Variants in LRBA observed in about 807,000 individuals in gnomAD.
LRBA encodes the protein lipopolysaccharide-responsive and beige-like anchor protein.
A neutral mutation model predicts 330.0 loss-of-function variants in LRBA; 176 were observed. That is an observed-to-expected ratio of 0.53 (90% CI 0.47 to 0.60). LRBA has a LOEUF of 0.60. LRBA is among the 20% of genes least tolerant of loss of function. LRBA has a pLI of 0.00. For synonymous variants in LRBA, 1,230 were observed against 1,193.0 expected (o/e 1.03, Z -0.64); for missense variants, 3,259 against 3,444.8 (o/e 0.95, Z 1.35).
At chr4:150,918,329 G>A (rs1732873642) in intron 5 of LRBA, among the ~76,000 whole-genome samples, 1 of 152,038 alleles carries the variant, frequency 6.6e-6, no homozygotes, top group South Asian at 2.1e-4. Flanking sequence ...CTCCAAAGAA[G>A]ATATACAAAT....
chr4:150,436,839 C>G lies in LRBA; in HGVS notation c.6806G>C (p.Arg2269Thr). The G allele has an allele frequency of 6.2e-7, 1 of 1,613,714 alleles. No homozygotes were observed. The highest frequency in any genetic ancestry group is 1.1e-5 in the South Asian group (1 of 91,030). The part of the protein sequence containing the change: ...SKPIGALNPK[R>T]AAFFAERYES... ...ATAACGCTCAGCGAAGAATGCTGCTCTTTTTGGGTTCAGAGCTCCTATTGG... is the reference window on the plus strand; with the variant it reads ...ATAACGCTCAGCGAAGAATGCTGCTGTTTTTGGGTTCAGAGCTCCTATTGG... Residue 2269 changes from arginine to threonine, a missense_variant, in exon 45 of 57, where the codon AGA (arginine) becomes ACA (threonine). Arg to Thr is a moderately conservative substitution (Grantham distance 71, BLOSUM62 -1). Transcript: ENST00000651943.
intron 28 of LRBA, among the ~76,000 whole-genome samples, chr4:150,838,877 T>C (rs1345568613): frequency 1.3e-5 from 2 of 151,996 alleles, no homozygotes; most frequent in Non-Finnish European, 2.9e-5. Flanking sequence ...CTCTGATTTT[T>C]TGAATTTTCA....
chr4:150,994,532 G>A (rs1742435917), intron 2 of LRBA, among the ~76,000 whole-genome samples: 2 of 152,194 alleles, frequency 1.3e-5, no homozygotes, highest in South Asian at 4.1e-4. Flanking sequence ...CTTTTATGGA[G>A]TGTGTATTCT....
intron 4 of LRBA, among the ~76,000 whole-genome samples, chr4:150,926,869 G>A (rs530287788): frequency 1.3e-5 from 2 of 151,978 alleles, no homozygotes; most frequent in South Asian, 4.2e-4. Context: ...TCAGGAGTTC[G>A]AGACCATCCT....
intron 2 of LRBA, among the ~76,000 whole-genome samples, chr4:150,984,896 C>A (rs1289822404): frequency 6.6e-6 from 1 of 152,184 alleles, no homozygotes; most frequent in Non-Finnish European, 1.5e-5. Flanking sequence ...TTCTTCCTAG[C>A]AGCAATTCTC....
intron 2 of LRBA, among the ~76,000 whole-genome samples, chr4:150,984,873 T>C (rs907806214): frequency 6.6e-6 from 1 of 152,202 alleles, no homozygotes; most frequent in Non-Finnish European, 1.5e-5. Context: ...AAAACATACA[T>C]ATCACAAAAC....
intron 17 of LRBA, among the ~76,000 whole-genome samples, chr4:150,882,182 G>A (rs1728472479): frequency 6.6e-6 from 1 of 151,796 alleles, no homozygotes; most frequent in Non-Finnish European, 1.5e-5. Context: ...AATAACACAA[G>A]AAGATCAAAA....
intron 17 of LRBA, among the ~76,000 whole-genome samples, chr4:150,883,011 C>G (rs1418867898): frequency 1.3e-5 from 2 of 152,176 alleles, no homozygotes; most frequent in African/African-American, 2.4e-5. Flanking sequence ...ATGACTATGA[C>G]ACAGTTTGGC....
intron 44 of LRBA, among the ~76,000 whole-genome samples, chr4:150,466,173 C>T (rs1294002613): frequency 6.6e-6 from 1 of 152,072 alleles, no homozygotes; most frequent in African/African-American, 2.4e-5. Flanking sequence ...TGTTAACCTT[C>T]GTTTTGACAT....
At chr4:150,656,814 T>A (rs955110292) in intron 37 of LRBA, among the ~76,000 whole-genome samples, 3 of 152,204 alleles carry the variant, frequency 2.0e-5, no homozygotes, top group Non-Finnish European at 4.4e-5. Flanking sequence ...TGAAACTCAA[T>A]ACCTATTACA....
intron 53 of LRBA, among the ~76,000 whole-genome samples, chr4:150,298,387 A>T (rs1281224103): frequency 6.6e-6 from 1 of 152,142 alleles, no homozygotes; most frequent in South Asian, 2.1e-4. Context: ...AAAATTTAGA[A>T]TGCCTTAAAG....
At chr4:150,425,555 G>A (rs1205258968) in intron 46 of LRBA, among the ~76,000 whole-genome samples, 1 of 152,146 alleles carries the variant, frequency 6.6e-6, no homozygotes, top group African/African-American at 2.4e-5. Flanking sequence ...ATAATGACAA[G>A]GATTGGTTGT....
At chr4:150,883,549 T>C (rs1369937604) in intron 17 of LRBA, among the ~76,000 whole-genome samples, 1 of 152,130 alleles carries the variant, frequency 6.6e-6, no homozygotes, top group African/African-American at 2.4e-5. Flanking sequence ...TAGTTTGAAT[T>C]TTCTGTCTCT....
intron 2 of LRBA, among the ~76,000 whole-genome samples, chr4:150,953,956 GA>G (rs1737181394): frequency 4.1e-5 from 1 of 24,620 alleles, no homozygotes; most frequent in African/African-American, 1.0e-4. Context: ...GGGATGTGGG[GA>G]GCGCCTCTGC....
At chr4:151,005,437 CAAAAAAAAAAA>C (rs70941465) in intron 2 of LRBA, among the ~76,000 whole-genome samples, 1 of 60,576 alleles carries the variant, frequency 1.7e-5, no homozygotes, top group Admixed American at 3.0e-4. Flanking sequence ...GACTCCAACT[CAAAAAAAAAAA>C]AAAAAAAAAA....
intron 30 of LRBA, among the ~76,000 whole-genome samples, chr4:150,825,353 A>G (rs1746077913): frequency 6.6e-6 from 1 of 152,026 alleles, no homozygotes; most frequent in South Asian, 2.1e-4. Context: ...ATCTCAGAGC[A>G]CGCAGTTCAT....
chr4:150,290,207 G>A (rs1051459325), intron 53 of LRBA, among the ~76,000 whole-genome samples: 1 of 152,080 alleles, frequency 6.6e-6, no homozygotes, highest in African/African-American at 2.4e-5. Context: ...AATACCCAGG[G>A]AGAAATAATC....
At chr4:150,697,527 C>A (rs893264458) in intron 36 of LRBA, among the ~76,000 whole-genome samples, 1 of 151,548 alleles carries the variant, frequency 6.6e-6, no homozygotes, top group African/African-American at 2.4e-5. Flanking sequence ...AATAAAGAGC[C>A]TTCTCTTTTT....
chr4:150,910,177 G>C (rs543100903), intron 9 of LRBA, among the ~76,000 whole-genome samples: 24 of 152,200 alleles, frequency 1.6e-4, no homozygotes, highest in African/African-American at 5.3e-4. Context: ...TTATTTGTCT[G>C]TTTTGGCTTT....
Sources: allele counts gnomAD v4.1 joint callset (sites outside exome capture counted in the v4.1 genomes callset), GRCh38; gene constraint gnomAD v4.1.1; transcripts MANE v1.5; gene names NCBI Gene and HGNC (gene_info 2026-07-23, HGNC 2026-07-21).